SLC25A31: variants seen among roughly 807,000 people sequenced by gnomAD.
The protein encoded by SLC25A31 is solute carrier family 25 member 31, also known as ADP/ATP translocase 4.
A neutral mutation model predicts 36.2 loss-of-function variants in SLC25A31; 40 were observed. That is an observed-to-expected ratio of 1.10 (90% confidence interval 0.86 to 1.44). The LOEUF (loss-of-function observed/expected upper bound fraction) is 1.44, where lower values mean the gene tolerates loss of function less well. Ranked by LOEUF, SLC25A31 falls within the 40% of genes most tolerant of loss-of-function variation. SLC25A31 has a pLI of 0.00. For missense variants in SLC25A31, 350 were observed against 397.1 expected, an observed-to-expected ratio of 0.88 and a Z score of 1.01; for synonymous variants, 143 against 149.7, an observed-to-expected ratio of 0.96 and a Z score of 0.32.
chr4:127,732,215 T>G (rs1474533962), intron 1 of SLC25A31, among the ~76,000 whole-genome samples: 1 of 152,226 alleles, frequency 6.6e-6, no homozygotes, highest in Non-Finnish European at 1.5e-5. Context: ...CAGACCTTTC[T>G]TTTAGTCCTG....
At position 127,764,343 on chromosome 4, in the gene SLC25A31, G is replaced by GT. The variant is rs755085160; in HGVS notation, c.462dup (p.Val155CysfsTer8). ...CTAGATTTTGCCCGAACCCGATTAGGTGTCGATATTGGAAAAGGTATGAGA... is the reference window on the plus strand; with the variant it reads ...CTAGATTTTGCCCGAACCCGATTAGGTTGTCGATATTGGAAAAGGTATGAGA... On this transcript the variant is annotated frameshift_variant, in exon 3 of 6. Coordinates refer to ENST00000281154, the MANE Select transcript of SLC25A31 (RefSeq NM_031291.4). LOFTEE classifies it high-confidence loss of function. 5.0e-6 allele frequency: 8 copies of GT among 1,612,924 alleles called. No individual in the cohort carries two copies. The Admixed American group carries it at 1.2e-4, about 24-fold the overall frequency.
intron 5 of SLC25A31, among the ~76,000 whole-genome samples, chr4:127,772,472 G>A (rs1466244276): frequency 1.3e-5 from 2 of 152,006 alleles, no homozygotes; most frequent in African/African-American, 2.4e-5. Context: ...TCCAAACTCT[G>A]TCAGCAAAGT....
At chr4:127,734,556 C>CAAA (rs34838538) in intron 1 of SLC25A31, among the ~76,000 whole-genome samples, 1 of 62,276 alleles carries the variant, frequency 1.6e-5, no homozygotes, top group Non-Finnish European at 2.9e-5. Context: ...AAGACTGTCT[C>CAAA]AAAAAAAAAA....
At chr4:127,748,757 A>G (rs773324374) in intron 2 of SLC25A31, among the ~76,000 whole-genome samples, 5 of 152,188 alleles carry the variant, frequency 3.3e-5, no homozygotes, top group Non-Finnish European at 5.9e-5. Context: ...TATCAGTCCA[A>G]CGACCTAACA....
intron 2 of SLC25A31, among the ~76,000 whole-genome samples, chr4:127,756,203 G>C (rs1732028809): frequency 6.6e-6 from 1 of 152,182 alleles, no homozygotes; most frequent in Admixed American, 6.5e-5. Context: ...AAGTGTCCAT[G>C]AGCAGATGAA....
intron 5 of SLC25A31, among the ~76,000 whole-genome samples, chr4:127,769,395 G>C (rs1457239645): frequency 1.3e-5 from 2 of 152,044 alleles, no homozygotes; most frequent in African/African-American, 4.8e-5. Flanking sequence ...CCTAAATCCA[G>C]AACACCCCAA....
intron 2 of SLC25A31, among the ~76,000 whole-genome samples, chr4:127,753,929 A>G (rs1481998448): frequency 6.6e-6 from 1 of 152,150 alleles, no homozygotes; most frequent in Non-Finnish European, 1.5e-5. Context: ...AATACTAGCA[A>G]ACTGAATTCA....
rs763134638 is a variant in SLC25A31 at position 127,764,308 on chromosome 4, A to G, written c.426A>G (p.Val142=). ...GGAAGATSLC[V]VYPLDFARTR... ...CTGCTGGGGCAACATCCTTATGTGT[A>G]GTATATCCTCTAGATTTTGCCCGAA... The change falls in exon 3 of 6, where the codon GTA becomes GTG. Residue 142 remains valine, a synonymous_variant. Transcript: ENST00000281154. 3 of 1,614,106 alleles carry G rather than the reference A, an allele frequency of 1.9e-6. No individual in the cohort carries two copies. Among genetic ancestry groups the G allele is most frequent in the African/African-American group, 2.7e-5 (2 of 75,046 alleles).
intron 5 of SLC25A31, among the ~76,000 whole-genome samples, chr4:127,772,120 TCTC>T (rs1239031584): frequency 3.9e-5 from 6 of 152,176 alleles, no homozygotes; most frequent in Non-Finnish European, 8.8e-5. Context: ...CCACTTTTTC[TCTC>T]CTCTAGAATA....
chr4:127,732,009 T>C (rs1731536348), intron 1 of SLC25A31, among the ~76,000 whole-genome samples: 1 of 152,244 alleles, frequency 6.6e-6, no homozygotes, highest in Non-Finnish European at 1.5e-5. Flanking sequence ...TGGAATGATT[T>C]AAAGAAATAA....
intron 1 of SLC25A31, among the ~76,000 whole-genome samples, chr4:127,735,980 C>A (rs1298054672): frequency 6.7e-6 from 1 of 148,792 alleles, no homozygotes; most frequent in African/African-American, 2.5e-5. Flanking sequence ...AGCTCCGTCT[C>A]CCGGGTTCAC....
intron 3 of SLC25A31, among the ~76,000 whole-genome samples, chr4:127,765,744 A>G (rs1447006485): frequency 6.6e-6 from 1 of 152,234 alleles, no homozygotes; most frequent in Non-Finnish European, 1.5e-5. Context: ...AAAAGTTAGA[A>G]GAGAGTGATA....
chr4:127,765,928 T>C (rs1488432126), intron 3 of SLC25A31, among the ~76,000 whole-genome samples: 1 of 152,166 alleles, frequency 6.6e-6, no homozygotes, highest in Non-Finnish European at 1.5e-5. Flanking sequence ...GTTTTCTCTT[T>C]CAAATCAGGA....
chr4:127,772,202 CAT>C (rs1318114149), intron 5 of SLC25A31, among the ~76,000 whole-genome samples: 1 of 152,158 alleles, frequency 6.6e-6, no homozygotes, highest in Non-Finnish European at 1.5e-5. Context: ...GCCTTTTGGA[CAT>C]GTGGTTTTCT....
chr4:127,735,884 A>ATTTTT (rs1168050637), intron 1 of SLC25A31, among the ~76,000 whole-genome samples: 1 of 64,060 alleles, frequency 1.6e-5, no homozygotes, highest in Non-Finnish European at 3.0e-5. Context: ...TTATTTATTT[A>ATTTTT]TTTATTTATT....
At chr4:127,754,012 A>T (rs991047733) in intron 2 of SLC25A31, among the ~76,000 whole-genome samples, 2 of 152,166 alleles carry the variant, frequency 1.3e-5, no homozygotes, top group Non-Finnish European at 2.9e-5. Flanking sequence ...AGTTCAATAT[A>T]CACAAATCAA....
At chr4:127,764,502 C>A in intron 3 of SLC25A31, 142 bp downstream of exon 3, 1 of 566,344 alleles carries the variant, frequency 1.8e-6, no homozygotes, top group Non-Finnish European at 3.0e-6. Context: ...AGTCATAGGG[C>A]CTAAAGTATA....
intron 2 of SLC25A31, among the ~76,000 whole-genome samples, chr4:127,761,304 C>T (rs779603936): frequency 5.3e-5 from 8 of 152,022 alleles, no homozygotes; most frequent in Non-Finnish European, 8.8e-5. Context: ...CCTTCTTTCT[C>T]ATCAAGAAAG....
Position 127,764,261 on chromosome 4 carries a change from G to A in SLC25A31, c.379G>A (p.Ala127Thr), listed in dbSNP as rs1444788279. ...GTTTCAGTTCTGGAGGTGGTTTTTGGCAAACCTGGCTTCTGGTGGAGCTGC... is the reference window on the plus strand; with the variant it reads ...GTTTCAGTTCTGGAGGTGGTTTTTGACAAACCTGGCTTCTGGTGGAGCTGC... ...KEKQFWRWFL[A>T]NLASGGAAGA... The change falls in exon 3 of 6, where the codon GCA (alanine) becomes ACA (threonine). Residue 127 changes from alanine (A) to threonine (T), a missense_variant. Transcript: ENST00000281154. The A allele has an allele frequency of 6.2e-7, 1 of 1,613,314 alleles. No individual in the cohort carries two copies. Among genetic ancestry groups the A allele is most frequent in the Non-Finnish European group, 8.5e-7 (1 of 1,179,648 alleles).
Sources: allele counts gnomAD v4.1 joint callset (sites outside exome capture counted in the v4.1 genomes callset), GRCh38; gene constraint gnomAD v4.1.1; transcripts MANE v1.5; gene names NCBI Gene and HGNC (gene_info 2026-07-23, HGNC 2026-07-21).